SLC71A2: variants seen among roughly 807,000 people sequenced by gnomAD.
SLC71A2 encodes solute carrier family 71 member 2, also known as hippocampus abundant transcript-like 1.
the SLC71A2 span, among the ~76,000 whole-genome samples, chr9:94,386,273 TG>T: frequency 1.4e-5 from 2 of 145,000 alleles, no homozygotes; most frequent in African/African-American, 5.0e-5. Context: ...ATATCGTGTT[TG>T]TATCGTTTTT....
the SLC71A2 span, among the ~76,000 whole-genome samples, chr9:94,426,582 CTG>C: frequency 6.6e-6 from 1 of 151,944 alleles, no homozygotes; most frequent in African/African-American, 2.4e-5. Context: ...TCTGTTATAT[CTG>C]TGGAAGTGGA....
the SLC71A2 span, among the ~76,000 whole-genome samples, chr9:94,431,052 C>T: frequency 6.6e-6 from 1 of 152,202 alleles, no homozygotes; most frequent in Admixed American, 6.5e-5. Context: ...GTGGCTCACG[C>T]CTGTAATCCC....
chr9:94,404,027 T>C, the SLC71A2 span, among the ~76,000 whole-genome samples: 3 of 152,322 alleles, frequency 2.0e-5, no homozygotes, highest in South Asian at 2.1e-4. Flanking sequence ...AGAGGGCTCA[T>C]CCTCTTTTGC....
chr9:94,377,526 T>C, the SLC71A2 span, among the ~76,000 whole-genome samples: 4 of 127,282 alleles, frequency 3.1e-5, no homozygotes, highest in Non-Finnish European at 6.4e-5. Context: ...TGTGCCACCA[T>C]GCCTGGCTTT....
the SLC71A2 span, among the ~76,000 whole-genome samples, chr9:94,403,943 T>G: frequency 6.6e-6 from 1 of 152,190 alleles, no homozygotes; most frequent in Non-Finnish European, 1.5e-5. Context: ...GTGGCGCCTT[T>G]TGGGAAGGGT....
chr9:94,460,745 CAG>C, the SLC71A2 span: 26 of 151,910 alleles, frequency 1.7e-4, no homozygotes, highest in Middle Eastern at 3.4e-3. Context: ...AAGGTATTGA[CAG>C]AAAAAAATAT....
chr9:94,416,430 T>C, the SLC71A2 span, among the ~76,000 whole-genome samples: 1 of 152,154 alleles, frequency 6.6e-6, no homozygotes. Flanking sequence ...TCCCTCTGGG[T>C]ACGGATAATC....
At chr9:94,430,148 C>T in the SLC71A2 span, among the ~76,000 whole-genome samples, 2 of 151,578 alleles carry the variant, frequency 1.3e-5, no homozygotes, top group African/African-American at 4.9e-5. Flanking sequence ...CGTGATCTGC[C>T]TGCCTTGGCC....
the SLC71A2 span, among the ~76,000 whole-genome samples, chr9:94,410,089 C>T: frequency 1.3e-5 from 2 of 151,420 alleles, no homozygotes; most frequent in African/African-American, 2.4e-5. Flanking sequence ...TAGGTGAGGA[C>T]GATGGCTTTT....
At chr9:94,401,791 G>C in the SLC71A2 span, among the ~76,000 whole-genome samples, 1 of 151,768 alleles carries the variant, frequency 6.6e-6, no homozygotes, top group Admixed American at 6.6e-5. Context: ...AAAGAATTCA[G>C]GGCAAGTCCC....
the SLC71A2 span, chr9:94,459,673 G>A: frequency 2.8e-3 from 1,104 of 387,806 alleles, 9 homozygotes; most frequent in African/African-American, 0.019. Flanking sequence ...CAACTCCCAA[G>A]GTGAAACTCA....
At chr9:94,402,780 T>C in the SLC71A2 span, among the ~76,000 whole-genome samples, 66 of 152,240 alleles carry the variant, frequency 4.3e-4, no homozygotes, top group Admixed American at 7.2e-4. Flanking sequence ...TGAAACCATG[T>C]GACCAAGTTC....
the SLC71A2 span, among the ~76,000 whole-genome samples, chr9:94,428,599 CCTTTT>C: frequency 7.1e-6 from 1 of 141,836 alleles, no homozygotes. Context: ...TACCCCCCCC[CCTTTT>C]TTTTTTTTAC....
chr9:94,436,217 T>C, the SLC71A2 span, among the ~76,000 whole-genome samples: 1 of 152,198 alleles, frequency 6.6e-6, no homozygotes, highest in African/African-American at 2.4e-5. Flanking sequence ...GGAGCCTCCA[T>C]ATACAGAGGG....
At chr9:94,458,275 G>A in the SLC71A2 span, 1 of 1,567,682 alleles carries the variant, frequency 6.4e-7, no homozygotes, top group Non-Finnish European at 8.6e-7. Flanking sequence ...CAAATCTTGA[G>A]ATGCCTTTCT....
the SLC71A2 span, among the ~76,000 whole-genome samples, chr9:94,399,383 GTTTC>G: frequency 6.6e-6 from 1 of 152,102 alleles, no homozygotes; most frequent in Non-Finnish European, 1.5e-5. Context: ...CTAGGGTGTA[GTTTC>G]TTTCAGGCTC....
the SLC71A2 span, among the ~76,000 whole-genome samples, chr9:94,451,875 C>T: frequency 6.6e-6 from 1 of 152,370 alleles, no homozygotes; most frequent in East Asian, 1.9e-4. Context: ...CCACTCTTGT[C>T]TTCAGCCTTG....
At chr9:94,456,225 G>A in the SLC71A2 span, 1 of 1,607,136 alleles carries the variant, frequency 6.2e-7, no homozygotes, top group Non-Finnish European at 8.5e-7. Flanking sequence ...GACTGTGCCT[G>A]TCCTGTCATT....
the SLC71A2 span, among the ~76,000 whole-genome samples, chr9:94,386,653 A>G: frequency 1.3e-5 from 2 of 151,748 alleles, no homozygotes; most frequent in South Asian, 2.1e-4. Context: ...TTTCATGTCA[A>G]CTCAGAAAGT....
Sources: allele counts gnomAD v4.1 joint callset (sites outside exome capture counted in the v4.1 genomes callset), GRCh38; gene constraint gnomAD v4.1.1; transcripts MANE v1.5; gene names NCBI Gene and HGNC (gene_info 2026-07-23, HGNC 2026-07-21).